GALNT18: variants seen among roughly 807,000 people sequenced by gnomAD.
The protein encoded by GALNT18 is polypeptide N-acetylgalactosaminyltransferase 18, also known as GalNAc-transferase 18.
In GALNT18, 44 loss-of-function variants were observed where a neutral mutation model predicts 69.5. The observed-to-expected ratio is 0.63, with a 90% CI of 0.50 to 0.81. GALNT18 has a LOEUF of 0.81. Among genes scored for constraint, GALNT18 ranks in the 40% least tolerant of loss-of-function variants. GALNT18 has a pLI of 0.00. For synonymous variants in GALNT18, 364 were observed against 318.2 expected, an observed-to-expected ratio of 1.14 and a Z score of -1.53; for missense variants, 715 against 810.0, an observed-to-expected ratio of 0.88 and a Z score of 1.42.
chr11:11,521,646 A>G (rs1398647937), intron 1 of GALNT18, among the ~76,000 whole-genome samples: 1 of 152,190 alleles, frequency 6.6e-6, no homozygotes, highest in Non-Finnish European at 1.5e-5. Flanking sequence ...AATGGCAGAG[A>G]AGATTACAGT....
intron 1 of GALNT18, among the ~76,000 whole-genome samples, chr11:11,462,355 C>A (rs1045743355): frequency 7.2e-5 from 11 of 151,736 alleles, no homozygotes; most frequent in African/African-American, 2.7e-4. Context: ...CAGCTCACTG[C>A]AACCTCCACT....
intron 10 of GALNT18, among the ~76,000 whole-genome samples, chr11:11,291,614 C>T (rs971959850): frequency 6.7e-6 from 1 of 150,306 alleles, no homozygotes; most frequent in African/African-American, 2.5e-5. Context: ...CATTGAACCC[C>T]CGACACTTTG....
intron 1 of GALNT18, among the ~76,000 whole-genome samples, chr11:11,581,639 C>G (rs1402363391): frequency 6.6e-6 from 1 of 151,506 alleles, no homozygotes; most frequent in East Asian, 2.0e-4. Context: ...ATTAATTCAA[C>G]AGGGGCTGCC....
intron 10 of GALNT18, among the ~76,000 whole-genome samples, chr11:11,284,518 G>T (rs533215790): frequency 6.6e-6 from 1 of 152,150 alleles, no homozygotes; most frequent in Admixed American, 6.5e-5. Context: ...CCAGCTGGTC[G>T]CTTGCATCCT....
At chr11:11,581,199 G>C (rs1565025324) in intron 1 of GALNT18, among the ~76,000 whole-genome samples, 1 of 152,214 alleles carries the variant, frequency 6.6e-6, no homozygotes, top group Non-Finnish European at 1.5e-5. Flanking sequence ...CTGGAGTAGG[G>C]GCCCCGACAG....
At chr11:11,594,846 T>TAC (rs1554956009) in intron 1 of GALNT18, among the ~76,000 whole-genome samples, 4 of 82,880 alleles carry the variant, frequency 4.8e-5, no homozygotes, top group African/African-American at 1.5e-4. Context: ...TATATACACA[T>TAC]ATACATACAT....
At chr11:11,485,091 C>T (rs1856615648) in intron 1 of GALNT18, among the ~76,000 whole-genome samples, 1 of 152,220 alleles carries the variant, frequency 6.6e-6, no homozygotes, top group African/African-American at 2.4e-5. Context: ...GTAGGGACAA[C>T]ATGTTTATTA....
chr11:11,561,514 T>C (rs751910282), intron 1 of GALNT18, among the ~76,000 whole-genome samples: 18 of 152,104 alleles, frequency 1.2e-4, no homozygotes, highest in Non-Finnish European at 2.2e-4. Flanking sequence ...CTTCAAAGGA[T>C]TGTGGTAAGG....
rs1856877922 is a variant in GALNT18 at position 11,497,050 on chromosome 11, C to T, written c.236-48114G>A. ...GCTCACTCTGCTAGAGCCACATGGG[C>T]CTTCCTGCTTCCAGGCTCATTCCCA... On this transcript the variant is annotated intron_variant, in intron 1 of 10. Transcript: ENST00000227756. This position sits in a 1 kb window ranked among gnomAD's most constrained non-coding sequence, Gnocchi z 4.2. Among the ~76,000 whole-genome samples the T allele has an allele frequency of 6.6e-6, 1 of 152,160 alleles. No homozygotes were observed. The highest frequency in any genetic ancestry group is 1.5e-5 in the Non-Finnish European group (1 of 68,038).
rs1849264948 is a variant in GALNT18, at chr11:11,289,777, A to AG, written c.1677+3251dup. On this transcript the variant is annotated intron_variant, in intron 10 of 10. Transcript: ENST00000227756. ...TCTGGGTGCAGGTCTTGGATGTCAA[A>AG]GCAGCCTGGGCTTCAGATTCAGCCA... 4.6e-5 allele frequency among the ~76,000 whole-genome samples: 7 copies of AG among 152,204 alleles called. No individual in the cohort carries two copies. In the East Asian group the frequency reaches 1.3e-3, roughly 29 times the overall value.
chr11:11,417,492 G>A (rs555731677), intron 3 of GALNT18, among the ~76,000 whole-genome samples: 47 of 152,302 alleles, frequency 3.1e-4, no homozygotes, highest in African/African-American at 1.1e-3. Context: ...AGACAGACTA[G>A]GGCCATATCT....
chr11:11,412,801 C>T (rs1202691759), intron 3 of GALNT18, among the ~76,000 whole-genome samples: 1 of 152,218 alleles, frequency 6.6e-6, no homozygotes, highest in Non-Finnish European at 1.5e-5. Context: ...TCCTATCTCA[C>T]CACATTTAAT....
rs1857961826 is a variant in GALNT18 at position 11,542,977 on chromosome 11, A to G, written c.235+78382T>C. Among the ~76,000 whole-genome samples the G allele has an allele frequency of 6.6e-6, 1 of 152,246 alleles. No individual in the cohort carries two copies. The highest frequency in any genetic ancestry group is 2.4e-5 in the African/African-American group (1 of 41,454). On this transcript the variant is annotated intron_variant, in intron 1 of 10. Transcript: ENST00000227756. The surrounding 1 kb of genome is among the most constrained non-coding windows in gnomAD (Gnocchi z 4.3). The stretch of plus-strand genomic sequence containing the variant: ...GGAGCAGGGTGCATGGAACCCCTGC[A>G]GCCTTTTCTACTGTGTGGAGAAAGA...
intron 6 of GALNT18, among the ~76,000 whole-genome samples, chr11:11,354,765 C>T (rs1453169900): frequency 2.6e-5 from 4 of 152,136 alleles, no homozygotes; most frequent in Non-Finnish European, 5.9e-5. Flanking sequence ...CTACGTCTCA[C>T]CTTCACTCTC....
At chr11:11,593,391 A>G (rs1859409040) in intron 1 of GALNT18, among the ~76,000 whole-genome samples, 2 of 152,174 alleles carry the variant, frequency 1.3e-5, no homozygotes, top group Non-Finnish European at 2.9e-5. Flanking sequence ...CTATGAGGTG[A>G]GAAGCCCATA....
At chr11:11,515,465 G>C (rs536715236) in intron 1 of GALNT18, among the ~76,000 whole-genome samples, 1 of 152,202 alleles carries the variant, frequency 6.6e-6, no homozygotes, top group Non-Finnish European at 1.5e-5. Flanking sequence ...TGCTCTCTCT[G>C]TATGCTGCCC....
At chr11:11,349,852 A>C (rs1225708294) in intron 6 of GALNT18, among the ~76,000 whole-genome samples, 1 of 152,186 alleles carries the variant, frequency 6.6e-6, no homozygotes, top group East Asian at 1.9e-4. Flanking sequence ...CTGCAGAAAA[A>C]CACTCCCTGA....
intron 1 of GALNT18, among the ~76,000 whole-genome samples, chr11:11,509,640 C>T (rs1412885516): frequency 6.6e-6 from 1 of 152,230 alleles, no homozygotes; most frequent in Non-Finnish European, 1.5e-5. Flanking sequence ...TGACTTTCCC[C>T]CCTCTCCATG....
intron 3 of GALNT18, among the ~76,000 whole-genome samples, chr11:11,411,306 C>T (rs1473079248): frequency 3.3e-5 from 5 of 152,074 alleles, no homozygotes; most frequent in Non-Finnish European, 7.4e-5. Context: ...TTTTTTCCCG[C>T]TGTCTACACA....
Sources: gnomAD v4.1 joint callset for allele counts (sites outside exome capture counted in the v4.1 genomes callset) on GRCh38, gnomAD v4.1.1 for gene constraint, Gnocchi (gnomAD v3.1) non-coding constraint, MANE v1.5 for transcripts, NCBI Gene and HGNC (gene_info 2026-07-23, HGNC 2026-07-21) for gene names.